The following CAPN9 variants were observed in gnomAD, a reference collection of about 807,000 sequenced individuals.
The protein encoded by CAPN9 is calpain 9, also known as calpain-9.
In CAPN9, 81 loss-of-function variants were observed where a neutral mutation model predicts 92.8. The observed-to-expected ratio is 0.87, with a 90% CI of 0.73 to 1.05. The LOEUF (loss-of-function observed/expected upper bound fraction) is 1.05. Ranked by LOEUF, CAPN9 falls within the 50% of genes least tolerant of loss-of-function variation. CAPN9 has a pLI of 0.00. For missense variants in CAPN9, 848 were observed against 866.2 expected (o/e 0.98, Z 0.26); for synonymous variants, 304 against 328.0 (o/e 0.93, Z 0.79).
chr1:230,752,353 G>A (rs566404275), intron 1 of CAPN9, among the ~76,000 whole-genome samples: 15 of 152,290 alleles, frequency 9.8e-5, no homozygotes, highest in African/African-American at 3.1e-4. Context: ...CAGAGGAGTC[G>A]GTCACACATC....
rs28359608 is a variant in CAPN9, at chr1:230,759,594, C to A, written c.366C>A (p.Ser122Arg). 0.14 allele frequency: 227,715 copies of A among 1,606,440 alleles called. 18,126 individuals are homozygous for A. Among genetic ancestry groups the A allele is most frequent in the South Asian group, 0.27 (23,993 of 89,172 alleles). ...ALARVIPQDQ[S>R]FGPGYAGIFH... Reference sequence around the variant, plus strand: ...CCAGAGTCATCCCCCAGGACCAAAGCTTTGGCCCTGGTTATGCCGGGATAT... The same window carrying A: ...CCAGAGTCATCCCCCAGGACCAAAGATTTGGCCCTGGTTATGCCGGGATAT... Residue 122 changes from serine (S) to arginine (R), a missense_variant, in exon 3 of 20, where the codon AGC becomes AGA. Transcript: ENST00000271971.
chr1:230,795,353 C>T, intron 18 of CAPN9, 74 bp downstream of exon 18: 2 of 867,280 alleles, frequency 2.3e-6, no homozygotes, highest in Non-Finnish European at 3.9e-6. Context: ...GCATGAGAAA[C>T]AGCCTGGTTA....
At position 230,763,022 on chromosome 1, in the gene CAPN9, C is replaced by T. The variant is rs28359633; in HGVS notation, c.536+236C>T. On this transcript the variant is annotated intron_variant, in intron 4 of 19. Transcript: ENST00000271971. ...ATTCATGACCCTTTTTCTCCCTGGG[C>T]CATGAATCTGGCCTTTGGAAGAGCT... is the stretch of plus-strand genomic sequence containing the variant. Among the ~76,000 whole-genome samples the T allele has an allele frequency of 7.8e-3, 1,187 of 152,240 alleles. 12 individuals carry two copies. Among genetic ancestry groups the T allele is most frequent in the Non-Finnish European group, 0.01 (699 of 68,022 alleles).
chr1:230,779,461 C>G (rs1310420195), intron 9 of CAPN9, among the ~76,000 whole-genome samples: 1 of 152,132 alleles, frequency 6.6e-6, no homozygotes, highest in East Asian at 1.9e-4. Flanking sequence ...TATCAGGGCC[C>G]TGGTTCCATT....
At chr1:230,760,492 A>G (rs11579420) in intron 3 of CAPN9, among the ~76,000 whole-genome samples, 87,423 of 152,040 alleles carry the variant, frequency 0.57, 25,718 homozygotes, top group African/African-American at 0.64. Flanking sequence ...CTGTCCCTGA[A>G]GCCTGCAATC....
chr1:230,749,755 G>A lies in CAPN9; in HGVS notation c.213+2046G>A, dbSNP rs1418245214. ...TGGGGTCCTCATGAGGGTCAGCTGC[G>A]TTACCATGAGTAGAGCACTTAGCAA... On this transcript the variant is annotated intron_variant, in intron 1 of 19. Coordinates refer to ENST00000271971, the MANE Select transcript of CAPN9 (RefSeq NM_006615.3). 5.3e-5 allele frequency among the ~76,000 whole-genome samples: 8 copies of A among 152,250 alleles called. No individual in the cohort carries two copies. The South Asian group carries it at 6.2e-4, about 12-fold the overall frequency.
At chr1:230,798,260 G>T in intron 19 of CAPN9, 40 bp downstream of exon 19, 5 of 1,412,534 alleles carry the variant, frequency 3.5e-6, no homozygotes, top group Non-Finnish European at 5.0e-6. Flanking sequence ...GACCCAGCTG[G>T]GGCCCAGCAG....
At chr1:230,791,776 T>C (rs1668005024) in intron 14 of CAPN9, 88 bp from the exon 15 acceptor site, 1 of 977,944 alleles carries the variant, frequency 1.0e-6, no homozygotes, top group Non-Finnish European at 1.6e-6. Context: ...CAGCCCTGGA[T>C]TTAGCCACAT....
At chr1:230,753,491 T>C (rs1004395065) in intron 1 of CAPN9, among the ~76,000 whole-genome samples, 4 of 152,184 alleles carry the variant, frequency 2.6e-5, no homozygotes, top group Non-Finnish European at 5.9e-5. Flanking sequence ...ATAATCCCCT[T>C]GACTTCAAAG....
chr1:230,752,927 G>C (rs7543422), intron 1 of CAPN9, among the ~76,000 whole-genome samples: 46,717 of 152,074 alleles, frequency 0.31, 7,551 homozygotes, highest in African/African-American at 0.4. Flanking sequence ...ACTGCTGAGC[G>C]GGGCAGGCTA....
intron 6 of CAPN9, among the ~76,000 whole-genome samples, chr1:230,770,102 AAT>A (rs1572041163): frequency 6.6e-6 from 1 of 152,158 alleles, no homozygotes; most frequent in East Asian, 1.9e-4. Context: ...GATCACCTGT[AAT>A]ACGATTTATT....
chr1:230,759,482 A>C (rs925740078), intron 2 of CAPN9, 30 bp from the exon 3 acceptor site: 4 of 1,507,418 alleles, frequency 2.7e-6, no homozygotes, highest in Non-Finnish European at 3.6e-6. Flanking sequence ...ATAGCAATGA[A>C]AATTGTGATT....
At chr1:230,784,418 C>T (rs1265137706) in intron 11 of CAPN9, among the ~76,000 whole-genome samples, 2 of 152,198 alleles carry the variant, frequency 1.3e-5, no homozygotes, top group Non-Finnish European at 2.9e-5. Context: ...GCCGAGAGGC[C>T]TAAGAGGAAA....
At chr1:230,772,833 C>A (rs1319692397) in intron 7 of CAPN9, among the ~76,000 whole-genome samples, 1 of 151,820 alleles carries the variant, frequency 6.6e-6, no homozygotes, top group Non-Finnish European at 1.5e-5. Context: ...GAGTTTTGGC[C>A]CCCAGTTATC....
chr1:230,751,404 G>A (rs909143170), intron 1 of CAPN9, among the ~76,000 whole-genome samples: 1 of 150,772 alleles, frequency 6.6e-6, no homozygotes, highest in African/African-American at 2.4e-5. Flanking sequence ...AAGACAGAAT[G>A]AATGAAAAAG....
chr1:230,790,191 T>G lies in CAPN9; in HGVS notation c.1657+2T>G, dbSNP rs143145032. The G allele has an allele frequency of 1.7e-3, 2,709 of 1,613,896 alleles. 4 individuals are homozygous for G. Among genetic ancestry groups the G allele is most frequent in the Admixed American group, 2.5e-3 (149 of 60,004 alleles). ...TTTTAAATGCTGTGCTGCAAAAGAG[T>G]AAGTGCCAACCCCATCGGGGTCCTG... On this transcript the variant is annotated splice_donor_variant, in intron 14 of 19. Transcript: ENST00000271971. LOFTEE classifies it high-confidence loss of function.
intron 15 of CAPN9, among the ~76,000 whole-genome samples, 177 bp from the exon 16 acceptor site, chr1:230,792,249 C>T (rs1395427193): frequency 6.6e-6 from 1 of 152,162 alleles, no homozygotes; most frequent in African/African-American, 2.4e-5. Context: ...CCACTTCTGC[C>T]GTTTCCCCTC....
chr1:230,782,934 T>A (rs1667325315), intron 11 of CAPN9, among the ~76,000 whole-genome samples: 1 of 152,124 alleles, frequency 6.6e-6, no homozygotes, highest in Non-Finnish European at 1.5e-5. Flanking sequence ...GAGAATCACT[T>A]AAAACCCAGG....
chr1:230,769,066 G>T, intron 5 of CAPN9, 114 bp from the exon 6 acceptor site: 1 of 796,694 alleles, frequency 1.3e-6, no homozygotes. Flanking sequence ...CCTGCACCTG[G>T]GGCAGCAGAA....
Sources: allele counts gnomAD v4.1 joint callset (sites outside exome capture counted in the v4.1 genomes callset), GRCh38; gene constraint gnomAD v4.1.1; transcripts MANE v1.5; gene names NCBI Gene and HGNC (gene_info 2026-07-23, HGNC 2026-07-21).